The following IRGQ variants were observed in gnomAD, a reference collection of about 807,000 sequenced individuals.
IRGQ encodes the protein immunity related GTPase Q, also known as immunity-related GTPase family Q protein.
Under a neutral mutation model 10.5 loss-of-function variants are expected in IRGQ, and 5 were observed. The observed-to-expected ratio is 0.48, with a 90% confidence interval of 0.25 to 1.00. The LOEUF (loss-of-function observed/expected upper bound fraction) is 1.00, where lower values mean the gene tolerates loss of function less well. Ranked by LOEUF, IRGQ falls within the 50% of genes least tolerant of loss-of-function variation. The pLI, the probability that IRGQ is intolerant of heterozygous loss-of-function variation, is 0.16. For synonymous variants in IRGQ, 418 were observed against 426.0 expected (o/e 0.98, Z 0.23); for missense variants, 792 against 877.7 (o/e 0.90, Z 1.23).
In IRGQ at chr19:43,593,221, T is replaced by C; in HGVS notation, c.677A>G (p.Asp226Gly). 1 of 1,583,426 alleles carries C rather than the reference T, an allele frequency of 6.3e-7. No homozygotes were observed. The part of the protein sequence containing the change: ...GLERLGSARL[D>G]LAVAGKADVG... Reference sequence around the variant, plus strand: ...GTCAGCCTTGCCAGCCACGGCCAGGTCTAGCCGTGCGCTGCCCAGGCGCTC... The same window carrying C: ...GTCAGCCTTGCCAGCCACGGCCAGGCCTAGCCGTGCGCTGCCCAGGCGCTC... Residue 226 changes from aspartate (D) to glycine (G), a missense_variant, in exon 3 of 3, where the codon GAC (aspartate) becomes GGC (glycine). Physicochemically the swap from Asp to Gly is moderately conservative, Grantham distance 94. Coordinates refer to ENST00000422989, the MANE Select transcript of IRGQ (RefSeq NM_001007561.3). The surrounding 1 kb of genome is among the most constrained non-coding windows in gnomAD (Gnocchi z 6.4).
chr19:43,595,500 A>G (rs1973124679), intron 1 of IRGQ, 160 bp from the exon 2 acceptor site: 2 of 497,938 alleles, frequency 4.0e-6, no homozygotes, highest in Admixed American at 4.0e-5. Context: ...CCCAGACCCT[A>G]TTCCCCCAGA....
In IRGQ at chr19:43,584,934, C is replaced by T. The variant is rs987402084; in HGVS notation, c.*7092G>A. 2.0e-5 allele frequency: 3 copies of T among 152,122 alleles called. No individual in the cohort carries two copies. Among genetic ancestry groups the T allele is most frequent in the Non-Finnish European group, 2.9e-5 (2 of 68,084 alleles). 9.4% of individuals were successfully genotyped at this position (152,122 alleles called of 1,614,324 possible). ...CCATCATAGCTCACTTCAGCCTCGA[C>T]TTCCTGGGCTCAAACAATCCACTTG... is the stretch of plus-strand genomic sequence containing the variant. On this transcript the variant is annotated 3_prime_UTR_variant, in exon 3 of 3. Transcript: ENST00000422989.
intron 2 of IRGQ, among the ~76,000 whole-genome samples, chr19:43,594,560 G>A (rs1342681496): frequency 2.0e-5 from 3 of 151,940 alleles, no homozygotes; most frequent in Non-Finnish European, 4.4e-5. Context: ...AAGGCCGGGT[G>A]TGGTGGTTCA....
Position 43,592,015 on chromosome 19 carries a change from C to G in IRGQ, c.*11G>C. On this transcript the variant is annotated 3_prime_UTR_variant, in exon 3 of 3. Transcript: ENST00000422989. ...TGTCAGAGTCTGGACTCCCAAGCCC[C>G]CTCCCACTCCTCACTGGGCAGGCTC... The G allele has an allele frequency of 6.4e-7, 1 of 1,572,740 alleles. No individual in the cohort carries two copies. The highest frequency in any genetic ancestry group is 8.6e-7 in the Non-Finnish European group (1 of 1,156,082).
Position 43,591,859 on chromosome 19 carries a change from A to AG in IRGQ, c.*166_*167insC. ...GACTTCGTCTCACAAAAAAAAGAAA[A>AG]AAAAAAAAAAAAATCAGGATTCCTG... On this transcript the variant is annotated 3_prime_UTR_variant, in exon 3 of 3. Transcript: ENST00000422989. The AG allele has an allele frequency of 4.4e-6, 3 of 687,908 alleles. No homozygotes were observed. The highest frequency in any genetic ancestry group is 6.7e-6 in the Non-Finnish European group (3 of 450,172). The allele number at this position is 687,908 out of a possible 1,614,324, so 42.6% of individuals were successfully genotyped here. A position where few individuals can be genotyped will look rare whatever the true frequency, so the allele number is the denominator to read the frequency against.
chr19:43,595,191 T>G lies in IRGQ; in HGVS notation c.148A>C (p.Arg50=). 1 of 1,611,986 alleles carries G rather than the reference T, an allele frequency of 6.2e-7. No homozygotes were observed. Among genetic ancestry groups the G allele is most frequent in the South Asian group, 1.1e-5 (1 of 90,996 alleles). ...GRPDSGVPSL[R]AAGPGLFLGE... ...AGAAAAAGGCCTGGGCCCGCAGCTC[T>G]TAGGCTGGGAACCCCGGAGTCCGGC... The change falls in exon 2 of 3, where the codon AGA becomes CGA. Residue 50 remains arginine, a synonymous_variant. Transcript: ENST00000422989.
Position 43,592,517 on chromosome 19 carries a change from C to G in IRGQ, c.1381G>C (p.Ala461Pro). ...PPAQAGALLLALPPASPSAAR... is the reference protein window; with the variant it reads ...PPAQAGALLLPLPPASPSAAR... ...GCGCTGGGAGATGCTGGTGGCAACGCCAGCAGCAGTGCCCCTGCCTGGGCT... is the reference window on the plus strand; with the variant it reads ...GCGCTGGGAGATGCTGGTGGCAACGGCAGCAGCAGTGCCCCTGCCTGGGCT... Residue 461 changes from alanine (A) to proline (P), a missense_variant, in exon 3 of 3, where the codon GCG becomes CCG. Ala to Pro is a conservative substitution (Grantham distance 27, BLOSUM62 -1). Coordinates refer to ENST00000422989, the MANE Select transcript of IRGQ (RefSeq NM_001007561.3). 1 of 1,596,112 alleles carries G rather than the reference C, an allele frequency of 6.3e-7. No individual in the cohort carries two copies.
Position 43,591,989 on chromosome 19 carries a change from C to A in IRGQ, c.*37G>T, listed in dbSNP as rs1973061299. On this transcript the variant is annotated 3_prime_UTR_variant, in exon 3 of 3. Transcript: ENST00000422989. ...ACCCAGGATTAAGCCCAGGCATCCC[C>A]TGTCAGAGTCTGGACTCCCAAGCCC... 6.5e-7 allele frequency: 1 copy of A among 1,540,590 alleles called. No homozygotes were observed. The highest frequency in any genetic ancestry group is 8.8e-7 in the Non-Finnish European group (1 of 1,141,096).
Position 43,585,074 on chromosome 19 carries a change from C to G in IRGQ, c.*6952G>C, listed in dbSNP as rs1046286795. 6.6e-6 allele frequency: 1 copy of G among 152,566 alleles called. No individual in the cohort carries two copies. The highest frequency in any genetic ancestry group is 2.4e-5 in the African/African-American group (1 of 41,390). The allele number at this position is 152,566 out of a possible 1,614,324, so 9.5% of individuals were successfully genotyped here. A position where few individuals can be genotyped will look rare whatever the true frequency, so the allele number is the denominator to read the frequency against. On this transcript the variant is annotated 3_prime_UTR_variant, in exon 3 of 3. Coordinates refer to ENST00000422989, the MANE Select transcript of IRGQ (RefSeq NM_001007561.3). The stretch of plus-strand genomic sequence containing the variant: ...GTCTTGCCATGTTGCTCAGGCTAGT[C>G]TCGATCTCCTGGGCTCATGAAATTC...
chr19:43,587,115 A>T lies in IRGQ; in HGVS notation c.*4911T>A, dbSNP rs1307118546. ...GAGGCCGAGGTGGGCGGATCACCTGAGGTCAGCAGTTCAAGACCAGCATGC... is the reference window on the plus strand; with the variant it reads ...GAGGCCGAGGTGGGCGGATCACCTGTGGTCAGCAGTTCAAGACCAGCATGC... On this transcript the variant is annotated 3_prime_UTR_variant, in exon 3 of 3. Transcript: ENST00000422989. 1 of 152,232 alleles carries T rather than the reference A, an allele frequency of 6.6e-6. No individual in the cohort carries two copies. The highest frequency in any genetic ancestry group is 1.5e-5 in the Non-Finnish European group (1 of 68,050). 9.4% of individuals were successfully genotyped at this position (152,232 alleles called of 1,614,324 possible). A position where few individuals can be genotyped will look rare whatever the true frequency, so the allele number is the denominator to read the frequency against.
chr19:43,592,163 A>G lies in IRGQ; in HGVS notation c.1735T>C (p.Phe579Leu). ...GCTGCACCACCCGCAGGCCACAGGA[A>G]GGAGAGAGCCCCCAGTGCTGCGCCC... ...AGGAALGALS[F>L]LWPAGGAAAT... is the part of the protein sequence containing the mutation. The change falls in exon 3 of 3, where the codon TTC (phenylalanine) becomes CTC (leucine). Residue 579 changes from phenylalanine (F) to leucine (L), a missense_variant. Coordinates refer to ENST00000422989, the MANE Select transcript of IRGQ (RefSeq NM_001007561.3). The G allele has an allele frequency of 6.2e-7, 1 of 1,607,908 alleles. No homozygotes were observed. The highest frequency in any genetic ancestry group is 8.5e-7 in the Non-Finnish European group (1 of 1,179,454).
rs1163845212 is a variant in IRGQ at position 43,591,484 on chromosome 19, T to C, written c.*542A>G. The C allele has an allele frequency of 2.6e-5, 4 of 152,344 alleles. No individual in the cohort carries two copies. Among genetic ancestry groups the C allele is most frequent in the Non-Finnish European group, 5.9e-5 (4 of 68,154 alleles). 9.4% of individuals were successfully genotyped at this position (152,344 alleles called of 1,614,324 possible). A position where few individuals can be genotyped will look rare whatever the true frequency, so the allele number is the denominator to read the frequency against. ...TAGGAGACAAAGACATAGTCCCTGC[T>C]AGAGTCTGGGCCACCAACTCCCTTC... is the stretch of plus-strand genomic sequence containing the variant. On this transcript the variant is annotated 3_prime_UTR_variant, in exon 3 of 3. Coordinates refer to ENST00000422989, the MANE Select transcript of IRGQ (RefSeq NM_001007561.3).
In IRGQ at chr19:43,590,016, T is replaced by G. The variant is rs1283888198; in HGVS notation, c.*2010A>C. 1 of 152,172 alleles carries G rather than the reference T, an allele frequency of 6.6e-6. No homozygotes were observed. The highest frequency in any genetic ancestry group is 2.4e-5 in the African/African-American group (1 of 41,402). The allele number at this position is 152,172 out of a possible 1,614,324, so 9.4% of individuals were successfully genotyped here. On this transcript the variant is annotated 3_prime_UTR_variant, in exon 3 of 3. Transcript: ENST00000422989. Reference sequence around the variant, plus strand: ...GGCTCACACCTGTAATCCCAGCACTTTGGGAGTCTGAGTCGGGTGGATCAC... The same window carrying G: ...GGCTCACACCTGTAATCCCAGCACTGTGGGAGTCTGAGTCGGGTGGATCAC...
chr19:43,586,801 C>T lies in IRGQ; in HGVS notation c.*5225G>A, dbSNP rs549496760. 14 of 152,294 alleles carry T rather than the reference C, an allele frequency of 9.2e-5. No individual in the cohort carries two copies. Among genetic ancestry groups the T allele is most frequent in the South Asian group, 2.1e-4 (1 of 4,820 alleles). 9.4% of individuals were successfully genotyped at this position (152,294 alleles called of 1,614,324 possible). A position where few individuals can be genotyped will look rare whatever the true frequency, so the allele number is the denominator to read the frequency against. The stretch of plus-strand genomic sequence containing the variant: ...TTGTGTGCCTGCATGTACATACATA[C>T]GCTGAATTCTCACCATAACCATGTG... On this transcript the variant is annotated 3_prime_UTR_variant, in exon 3 of 3. Transcript: ENST00000422989.
Position 43,590,278 on chromosome 19 carries a change from G to A in IRGQ, c.*1748C>T, listed in dbSNP as rs1218597902. On this transcript the variant is annotated 3_prime_UTR_variant, in exon 3 of 3. Coordinates refer to ENST00000422989, the MANE Select transcript of IRGQ (RefSeq NM_001007561.3). ...AGTGAATGAGAATAGGCAAGGGCCA[G>A]ACCCACAGGGCCTTACTGTGTGCTG... is the stretch of plus-strand genomic sequence containing the variant. The A allele has an allele frequency of 6.6e-6, 1 of 152,252 alleles. No individual in the cohort carries two copies. Among genetic ancestry groups the A allele is most frequent in the Non-Finnish European group, 1.5e-5 (1 of 68,078 alleles). 9.4% of individuals were successfully genotyped at this position (152,252 alleles called of 1,614,324 possible).
Position 43,592,133 on chromosome 19 carries a change from T to TCGCCGCTG in IRGQ, c.1757_1764dup (p.Thr589GlnfsTer50). 6.2e-7 allele frequency: 1 copy of TCGCCGCTG among 1,611,194 alleles called. No individual in the cohort carries two copies. The highest frequency in any genetic ancestry group is 8.5e-7 in the Non-Finnish European group (1 of 1,179,668). On this transcript the variant is annotated frameshift_variant, in exon 3 of 3. Coordinates refer to ENST00000422989, the MANE Select transcript of IRGQ (RefSeq NM_001007561.3). LOFTEE classifies it high-confidence loss of function. Reference sequence around the variant, plus strand: ...GCCGCTCGGTAGCCCAGGCCACCTGTCGCCGCTGCACCACCCGCAGGCCAC... The same window carrying TCGCCGCTG: ...GCCGCTCGGTAGCCCAGGCCACCTGTCGCCGCTGCGCCGCTGCACCACCCGCAGGCCAC...
Position 43,588,410 on chromosome 19 carries a change from A to G in IRGQ, c.*3616T>C, listed in dbSNP as rs1023636494. The G allele has an allele frequency of 2.0e-5, 3 of 151,650 alleles. No individual in the cohort carries two copies. The highest frequency in any genetic ancestry group is 7.3e-5 in the African/African-American group (3 of 41,174). The allele number at this position is 151,650 out of a possible 1,614,324, so 9.4% of individuals were successfully genotyped here. ...GCAAGACTCCGTCTCCCAAAAAATAAATAAATAAATAAAATAAAAATACAA... is the reference window on the plus strand; with the variant it reads ...GCAAGACTCCGTCTCCCAAAAAATAGATAAATAAATAAAATAAAAATACAA... On this transcript the variant is annotated 3_prime_UTR_variant, in exon 3 of 3. Coordinates refer to ENST00000422989, the MANE Select transcript of IRGQ (RefSeq NM_001007561.3).
intron 2 of IRGQ, 81 bp downstream of exon 2, chr19:43,594,728 A>T: frequency 8.3e-7 from 1 of 1,205,616 alleles, no homozygotes; most frequent in South Asian, 1.4e-5. Context: ...TCACTGGGGG[A>T]GGGATCTCAT....
chr19:43,592,840 C>A lies in IRGQ; in HGVS notation c.1058G>T (p.Ser353Ile). ...TCCCCCTCCACCTGCGTTCTTTAAG[C>A]TCTCGCCCTTGGGATTCTCCATCTT... ...EGKMENPKGE[S>I]LKNAGGGGLE... is the part of the protein sequence containing the mutation. Residue 353 changes from serine (S) to isoleucine (I), a missense_variant, in exon 3 of 3, where the codon AGC (serine) becomes ATC (isoleucine). Transcript: ENST00000422989. 1 of 1,614,052 alleles carries A rather than the reference C, an allele frequency of 6.2e-7. No homozygotes were observed. Among genetic ancestry groups the A allele is most frequent in the Non-Finnish European group, 8.5e-7 (1 of 1,180,036 alleles).
Sources: allele counts gnomAD v4.1 joint callset (sites outside exome capture counted in the v4.1 genomes callset), GRCh38; gene constraint gnomAD v4.1.1; non-coding constraint Gnocchi (gnomAD v3.1); transcripts MANE v1.5; gene names NCBI Gene and HGNC (gene_info 2026-07-23, HGNC 2026-07-21).